The following VWA8 variants were observed in gnomAD, a reference collection of about 807,000 sequenced individuals.
VWA8 encodes von Willebrand factor A domain-containing protein 8.
Under a neutral mutation model 241.5 loss-of-function variants are expected in VWA8, and 221 were observed. That is an observed-to-expected ratio of 0.91 (90% CI 0.82 to 1.02). The LOEUF is 1.02. Ranked by LOEUF, VWA8 falls within the 50% of genes least tolerant of loss-of-function variation. The probability of loss-of-function intolerance (pLI) is 0.00; values close to 1 mark genes in which losing one functional copy is unlikely to be tolerated. For synonymous variants in VWA8, 852 were observed against 827.1 expected, an observed-to-expected ratio of 1.03 and a Z score of -0.52; for missense variants, 2,322 against 2,328.7, an observed-to-expected ratio of 1.00 and a Z score of 0.06.
At chr13:41,682,244 G>C (rs939218485) in intron 35 of VWA8, among the ~76,000 whole-genome samples, 2 of 152,094 alleles carry the variant, frequency 1.3e-5, no homozygotes, top group Non-Finnish European at 1.5e-5. Context: ...TTTCAGCAGA[G>C]GTCTAAAGGC....
chr13:41,935,533 G>GT (rs565048982), intron 2 of VWA8, among the ~76,000 whole-genome samples: 1 of 151,854 alleles, frequency 6.6e-6, no homozygotes, highest in Non-Finnish European at 1.5e-5. Context: ...TAAACATGAG[G>GT]TTTTTATTAG....
intron 37 of VWA8, among the ~76,000 whole-genome samples, chr13:41,632,095 A>G (rs759580103): frequency 1.3e-5 from 2 of 152,220 alleles, no homozygotes; most frequent in Non-Finnish European, 2.9e-5. Context: ...AGAAGTTAGC[A>G]AAGCATAACA....
intron 37 of VWA8, among the ~76,000 whole-genome samples, chr13:41,639,380 G>T (rs1416322595): frequency 6.6e-6 from 1 of 152,168 alleles, no homozygotes; most frequent in Non-Finnish European, 1.5e-5. Context: ...CCTCCCAGAA[G>T]TTGTTCCTGA....
Position 41,886,837 on chromosome 13 carries a change from T to G in VWA8, c.817-7A>C. The G allele has an allele frequency of 6.4e-7, 1 of 1,572,500 alleles. No individual in the cohort carries two copies. Among genetic ancestry groups the G allele is most frequent in the Non-Finnish European group, 8.6e-7 (1 of 1,159,592 alleles). On this transcript the variant is annotated splice_polypyrimidine_tract_variant and splice_region_variant and intron_variant, in intron 6 of 44. Coordinates refer to ENST00000379310, the MANE Select transcript of VWA8 (RefSeq NM_015058.2). ...ATAACAACTTAAGTTGGTCCTAAAG[T>G]AATACAGAAACATATTAAATTAATT...
chr13:41,931,022 G>A (rs536510427), intron 2 of VWA8, among the ~76,000 whole-genome samples: 62 of 151,978 alleles, frequency 4.1e-4, no homozygotes, highest in African/African-American at 1.4e-3. Context: ...GGTGGCGCAC[G>A]CCTGTAGTCC....
rs371185408 is a variant in VWA8, at chr13:41,699,081, T to G, written c.3554A>C (p.His1185Pro). Reference protein sequence around the residue: ...GSPLKGQVVLHEQQSNVILLL... With the variant: ...GSPLKGQVVLPEQQSNVILLL... ...CCTGGTGTGCATTACCTGCTGCTCATGGAGAACCACTTGACCTTTGAGAGG... is the reference window on the plus strand; with the variant it reads ...CCTGGTGTGCATTACCTGCTGCTCAGGGAGAACCACTTGACCTTTGAGAGG... Residue 1185 changes from histidine (H) to proline (P), a missense_variant, in exon 29 of 45, where the codon CAT (histidine) becomes CCT (proline). Physicochemically the swap from His to Pro is moderately conservative, Grantham distance 77. Transcript: ENST00000379310. The G allele has an allele frequency of 7.4e-6, 12 of 1,613,822 alleles. No homozygotes were observed. The highest frequency in any genetic ancestry group is 1.3e-5 in the African/African-American group (1 of 74,926).
intron 43 of VWA8, among the ~76,000 whole-genome samples, chr13:41,572,797 T>TAA (rs869088660): frequency 1.4e-3 from 96 of 67,778 alleles, no homozygotes; most frequent in East Asian, 3.2e-3. Context: ...CAATAAATAC[T>TAA]AAAAAAAAAA....
intron 2 of VWA8, among the ~76,000 whole-genome samples, chr13:41,945,266 A>G (rs2138157368): frequency 6.6e-6 from 1 of 152,082 alleles, no homozygotes; most frequent in Middle Eastern, 3.4e-3. Flanking sequence ...AAAGAAATAG[A>G]CTAGGAACAT....
chr13:41,719,222 A>G, intron 26 of VWA8: 1 of 492,710 alleles, frequency 2.0e-6, no homozygotes, highest in Non-Finnish European at 2.7e-6. Context: ...AGAAATAAGA[A>G]CATATCAACT....
At chr13:41,602,984 C>A (rs2044530822) in intron 40 of VWA8, among the ~76,000 whole-genome samples, 1 of 152,088 alleles carries the variant, frequency 6.6e-6, no homozygotes, top group Non-Finnish European at 1.5e-5. Flanking sequence ...TTTCCTATAT[C>A]TTAAAACTCT....
At chr13:41,585,902 A>C (rs898757339) in intron 42 of VWA8, among the ~76,000 whole-genome samples, 6 of 151,046 alleles carry the variant, frequency 4.0e-5, no homozygotes, top group South Asian at 4.2e-4. Context: ...GAAAAAAAAA[A>C]CCTCCATATA....
chr13:41,568,165 C>T lies in VWA8; in HGVS notation c.*32G>A. On this transcript the variant is annotated 3_prime_UTR_variant, in exon 45 of 45. Coordinates refer to ENST00000379310, the MANE Select transcript of VWA8 (RefSeq NM_015058.2). The stretch of plus-strand genomic sequence containing the variant: ...TCTTTATTCCTGTCTTATTTCAAAT[C>T]CTGGTGTCATCAGGGTGATGAAGGG... 6.5e-7 allele frequency: 1 copy of T among 1,540,986 alleles called. No homozygotes were observed. Among genetic ancestry groups the T allele is most frequent in the Non-Finnish European group, 9.0e-7 (1 of 1,115,078 alleles).
At chr13:41,588,699 C>G (rs1004279072) in intron 41 of VWA8, among the ~76,000 whole-genome samples, 1 of 136,552 alleles carries the variant, frequency 7.3e-6, no homozygotes, top group Admixed American at 7.5e-5. Context: ...AAAGCCTGGG[C>G]AACAAGCAAG....
chr13:41,824,041 T>TA (rs1871075819), intron 14 of VWA8, among the ~76,000 whole-genome samples: 1 of 152,206 alleles, frequency 6.6e-6, no homozygotes, highest in South Asian at 2.1e-4. Flanking sequence ...ACTGGATTAA[T>TA]AGAGTTACCC....
intron 2 of VWA8, among the ~76,000 whole-genome samples, chr13:41,921,332 T>A (rs577411478): frequency 6.6e-6 from 1 of 152,308 alleles, no homozygotes; most frequent in Admixed American, 6.5e-5. Flanking sequence ...GCCAACATCA[T>A]ACTGAATGGG....
intron 33 of VWA8, 53 bp downstream of exon 33, chr13:41,690,113 T>C: frequency 6.7e-7 from 1 of 1,485,058 alleles, no homozygotes; most frequent in South Asian, 1.2e-5. Flanking sequence ...GAAGACAGTA[T>C]ATGTACAAGC....
intron 37 of VWA8, among the ~76,000 whole-genome samples, chr13:41,634,936 A>G (rs945344766): frequency 2.0e-5 from 3 of 152,152 alleles, no homozygotes; most frequent in African/African-American, 7.2e-5. Context: ...GCTTGATGTC[A>G]TGGAAGAAAC....
At chr13:41,634,015 C>A (rs553557171) in intron 37 of VWA8, among the ~76,000 whole-genome samples, 36 of 152,284 alleles carry the variant, frequency 2.4e-4, no homozygotes, top group African/African-American at 7.7e-4. Context: ...TGAGAATTCC[C>A]TTAGCAGTGC....
At chr13:41,725,844 CT>C (rs1285290973) in intron 24 of VWA8, among the ~76,000 whole-genome samples, 1 of 152,162 alleles carries the variant, frequency 6.6e-6, no homozygotes, top group Non-Finnish European at 1.5e-5. Context: ...TATTACATCT[CT>C]AAGTGCATCA....
Sources: gnomAD v4.1 joint callset for allele counts (sites outside exome capture counted in the v4.1 genomes callset) on GRCh38, gnomAD v4.1.1 for gene constraint, MANE v1.5 for transcripts, NCBI Gene and HGNC (gene_info 2026-07-23, HGNC 2026-07-21) for gene names.